Variants in TEX29 observed in about 807,000 individuals in gnomAD.
TEX29 encodes the protein testis-expressed protein 29.
Under a neutral mutation model 18.2 loss-of-function variants are expected in TEX29, and 26 were observed. That is an observed-to-expected ratio of 1.43 (90% CI 1.04 to 1.98). The LOEUF is 1.98. Ranked by LOEUF, TEX29 falls within the 30% of genes most tolerant of loss-of-function variation. The pLI is 0.00. For missense variants in TEX29, 177 were observed against 194.2 expected (o/e 0.91, Z 0.53); for synonymous variants, 83 against 78.5 (o/e 1.06, Z -0.31).
At chr13:111,332,281 A>G (rs929709574) in intron 3 of TEX29, among the ~76,000 whole-genome samples, 1 of 152,050 alleles carries the variant, frequency 6.6e-6, no homozygotes, top group Non-Finnish European at 1.5e-5. Flanking sequence ...TTTATTCCAA[A>G]GTATTTTACT....
chr13:111,344,214 C>T lies in TEX29; in HGVS notation c.*91C>T. 2 of 1,051,632 alleles carry T rather than the reference C, an allele frequency of 1.9e-6. No homozygotes were observed. The highest frequency in any genetic ancestry group is 2.5e-5 in the East Asian group (1 of 40,706). The allele number at this position is 1,051,632 out of a possible 1,614,324, so 65.1% of individuals were successfully genotyped here. On this transcript the variant is annotated 3_prime_UTR_variant, in exon 6 of 6. Transcript: ENST00000283547. The stretch of plus-strand genomic sequence containing the variant: ...GTTAACAGTGTGATGGAATGACCAC[C>T]CAAAGAGAAAAAAATAAAGGTATTT...
Position 111,320,949 on chromosome 13 carries a change from G to T in TEX29, c.58+1G>T. On this transcript the variant is annotated splice_donor_variant, in intron 2 of 5. Coordinates refer to ENST00000283547, the MANE Select transcript of TEX29 (RefSeq NM_152324.3). LOFTEE classifies it high-confidence loss of function. ...CGGCACCTCCTGAAGCAATTCACAGGTATGGAGGGAAGGCGCCAGGGGGGC... is the reference window on the plus strand; with the variant it reads ...CGGCACCTCCTGAAGCAATTCACAGTTATGGAGGGAAGGCGCCAGGGGGGC... 1 of 1,314,372 alleles carries T rather than the reference G, an allele frequency of 7.6e-7. No homozygotes were observed. Among genetic ancestry groups the T allele is most frequent in the Non-Finnish European group, 1.0e-6 (1 of 955,896 alleles). 81.4% of individuals were successfully genotyped at this position (1,314,372 alleles called of 1,614,324 possible).
At chr13:111,325,518 G>A (rs542624823) in intron 2 of TEX29, among the ~76,000 whole-genome samples, 2 of 152,356 alleles carry the variant, frequency 1.3e-5, no homozygotes, top group East Asian at 3.9e-4. Context: ...CTTGGCAGCT[G>A]TGACCTGGTG....
intron 5 of TEX29, among the ~76,000 whole-genome samples, 200 bp from the exon 6 acceptor site, chr13:111,343,883 A>T (rs1052996336): frequency 1.3e-5 from 2 of 152,098 alleles, no homozygotes; most frequent in Admixed American, 1.3e-4. Flanking sequence ...TAGAGAGATG[A>T]TGTGGGAGGA....
chr13:111,342,986 C>G lies in TEX29; in HGVS notation c.415+55C>G, dbSNP rs2093699117. ...TAAGGTCAAGGGCGTGGCTCTGTTC[C>G]CTCGGGAGACCTTCCCTGGGAAGGG... On this transcript the variant is annotated intron_variant, in intron 5 of 5. Transcript: ENST00000283547. 8.2e-6 allele frequency: 13 copies of G among 1,580,548 alleles called. No individual in the cohort carries two copies. The South Asian group carries it at 1.4e-4, about 17-fold the overall frequency.
chr13:111,328,677 G>T (rs1176122420), intron 3 of TEX29, among the ~76,000 whole-genome samples: 2 of 152,204 alleles, frequency 1.3e-5, no homozygotes, highest in Non-Finnish European at 2.9e-5. Context: ...GCCGGGTGTG[G>T]GGTGAGCCCA....
At chr13:111,329,666 G>T (rs1343992477) in intron 3 of TEX29, among the ~76,000 whole-genome samples, 1 of 152,122 alleles carries the variant, frequency 6.6e-6, no homozygotes, top group Non-Finnish European at 1.5e-5. Flanking sequence ...AAAGCTAGCA[G>T]TGGGGAAGTG....
At chr13:111,320,971 G>C (rs2153641103) in intron 2 of TEX29, 23 bp downstream of exon 2, 1 of 1,539,324 alleles carries the variant, frequency 6.5e-7, no homozygotes, top group Middle Eastern at 2.3e-4. Flanking sequence ...GGCGCCAGGG[G>C]GGCGGGTGGG....
chr13:111,320,995 T>TG (rs57775875), intron 2 of TEX29, 47 bp downstream of exon 2: 117,976 of 316,598 alleles, frequency 0.37, 16,045 homozygotes, highest in East Asian at 0.71. Context: ...GGGGAGCAGT[T>TG]GGGGGGGGGC....
chr13:111,342,485 G>A lies in TEX29; in HGVS notation c.240-271G>A, dbSNP rs528523949. Among the ~76,000 whole-genome samples the A allele has an allele frequency of 1.3e-4, 20 of 149,276 alleles. No homozygotes were observed. In the South Asian group the frequency reaches 4.0e-3, roughly 30 times the overall value. On this transcript the variant is annotated intron_variant, in intron 4 of 5. Coordinates refer to ENST00000283547, the MANE Select transcript of TEX29 (RefSeq NM_152324.3). ...TGAGGTGGGAGGATTACTTGAGCCC[G>A]GGAGTTGGAGGCTGCAGTGAGCCGT... is the stretch of plus-strand genomic sequence containing the variant.
rs1032058346 is a variant in TEX29 at position 111,320,777 on chromosome 13, G to A, written c.-35+15G>A. On this transcript the variant is annotated intron_variant, in intron 1 of 5. Coordinates refer to ENST00000283547, the MANE Select transcript of TEX29 (RefSeq NM_152324.3). Reference sequence around the variant, plus strand: ...GTGAGGCGCAGGTGAGTCGATGAACGCCCCCTCCTGGTGTGAGCCGCCCGC... The same window carrying A: ...GTGAGGCGCAGGTGAGTCGATGAACACCCCCTCCTGGTGTGAGCCGCCCGC... 10 of 1,290,034 alleles carry A rather than the reference G, an allele frequency of 7.8e-6. No homozygotes were observed. The highest frequency in any genetic ancestry group is 1.7e-5 in the Admixed American group (1 of 58,896). 79.9% of individuals were successfully genotyped at this position (1,290,034 alleles called of 1,614,324 possible). A position where few individuals can be genotyped will look rare whatever the true frequency, so the allele number is the denominator to read the frequency against.
intron 2 of TEX29, among the ~76,000 whole-genome samples, chr13:111,321,748 C>T (rs998273826): frequency 1.3e-5 from 2 of 152,098 alleles, no homozygotes; most frequent in African/African-American, 4.8e-5. Context: ...CATGGCGAAA[C>T]CCCATCTCTA....
chr13:111,339,715 A>G, intron 3 of TEX29, 148 bp from the exon 4 acceptor site: 1 of 702,304 alleles, frequency 1.4e-6, no homozygotes, highest in East Asian at 2.6e-5. Context: ...TCTCCAGGAG[A>G]CGCTGGGGAG....
At chr13:111,336,166 C>G (rs1425197001) in intron 3 of TEX29, among the ~76,000 whole-genome samples, 3 of 152,218 alleles carry the variant, frequency 2.0e-5, no homozygotes, top group Non-Finnish European at 4.4e-5. Context: ...CCATTAAGTT[C>G]TTTCCATCAT....
chr13:111,332,197 A>G (rs1417045861), intron 3 of TEX29, among the ~76,000 whole-genome samples: 1 of 152,184 alleles, frequency 6.6e-6, no homozygotes. Flanking sequence ...TAGTCTTTCT[A>G]TTTATTTCGG....
chr13:111,334,558 G>A (rs1840144166), intron 3 of TEX29, among the ~76,000 whole-genome samples: 1 of 152,208 alleles, frequency 6.6e-6, no homozygotes, highest in African/African-American at 2.4e-5. Flanking sequence ...CACAGCACTG[G>A]ACATGTCCAT....
intron 3 of TEX29, among the ~76,000 whole-genome samples, chr13:111,332,670 A>G (rs926463975): frequency 6.6e-6 from 1 of 152,206 alleles, no homozygotes; most frequent in Non-Finnish European, 1.5e-5. Flanking sequence ...GTTTTACTAG[A>G]TGCCATGTAT....
upstream of TEX29, among the ~76,000 whole-genome samples, chr13:111,317,016 C>A (rs1446937110): frequency 2.6e-5 from 4 of 152,170 alleles, no homozygotes; most frequent in Non-Finnish European, 4.4e-5. Flanking sequence ...CCCCACGGTC[C>A]AATCACCCCC....
chr13:111,320,924 CG>C lies in TEX29; in HGVS notation c.36del (p.His13ThrfsTer3). The C allele has an allele frequency of 1.2e-6, 2 of 1,604,786 alleles. No homozygotes were observed. The highest frequency in any genetic ancestry group is 1.7e-6 in the Non-Finnish European group (2 of 1,177,724). On this transcript the variant is annotated frameshift_variant, in exon 2 of 6. Transcript: ENST00000283547. LOFTEE classifies it high-confidence loss of function. ...EYVLEVKNSP[R>X]HLLKQFTVCD... Reference sequence around the variant, plus strand: ...CGTGCTGGAAGTGAAGAACTCTCCGCGGCACCTCCTGAAGCAATTCACAGGT... The same window carrying C: ...CGTGCTGGAAGTGAAGAACTCTCCGCGCACCTCCTGAAGCAATTCACAGGT...
Sources: allele counts gnomAD v4.1 joint callset (sites outside exome capture counted in the v4.1 genomes callset), GRCh38; gene constraint gnomAD v4.1.1; transcripts MANE v1.5; gene names NCBI Gene and HGNC (gene_info 2026-07-23, HGNC 2026-07-21).